The following NCK2 variants were observed in gnomAD, a reference collection of about 807,000 sequenced individuals.
NCK2 encodes NCK adaptor protein 2, also known as cytoplasmic protein NCK2.
Under a neutral mutation model 33.9 loss-of-function variants are expected in NCK2, and 16 were observed. The observed-to-expected ratio is 0.47, with a 90% confidence interval of 0.32 to 0.72. The LOEUF (loss-of-function observed/expected upper bound fraction) is 0.72. NCK2 is among the 30% of genes least tolerant of loss of function. The pLI, the probability that NCK2 is intolerant of heterozygous loss-of-function variation, is 0.03. For missense variants in NCK2, 418 were observed against 537.3 expected, an observed-to-expected ratio of 0.78 and a Z score of 2.19; for synonymous variants, 273 against 239.9, an observed-to-expected ratio of 1.14 and a Z score of -1.27.
At chr2:105,884,911 G>A (rs2104672344) in intron 4 of NCK2, among the ~76,000 whole-genome samples, 1 of 152,250 alleles carries the variant, frequency 6.6e-6, no homozygotes, top group Non-Finnish European at 1.5e-5. Context: ...ACCTTCACCT[G>A]TGAGCCATAC....
Position 105,830,667 on chromosome 2 carries a change from TTTG to T in NCK2, c.-17+14055_-17+14057del, listed in dbSNP as rs1676136368. Among the ~76,000 whole-genome samples, 4 of 76,186 alleles carry T rather than the reference TTTG, an allele frequency of 5.3e-5. No individual in the cohort carries two copies. The South Asian group carries it at 1.5e-3, about 29-fold the overall frequency. The allele number at this position is 76,186 out of a possible 152,430, so 50.0% of individuals were successfully genotyped here. A position where few individuals can be genotyped will look rare whatever the true frequency, so the allele number is the denominator to read the frequency against. ...TCTTTGTTTGCATCCTTGCCAGGAA[TTTG>T]GTGTGTGTGTGTGTGTGTGTGTGTG... is the stretch of plus-strand genomic sequence containing the variant. On this transcript the variant is annotated intron_variant, in intron 2 of 4. Transcript: ENST00000233154.
chr2:105,857,047 T>TTTTTTA (rs1553460690), intron 3 of NCK2: 7 of 130,738 alleles, frequency 5.4e-5, no homozygotes, highest in South Asian at 2.3e-4. Context: ...TTTTTTTTTT[T>TTTTTTA]TTGTATTTAC....
At chr2:105,820,581 T>C (rs551314100) in intron 2 of NCK2, among the ~76,000 whole-genome samples, 127 of 152,316 alleles carry the variant, frequency 8.3e-4, no homozygotes, top group Non-Finnish European at 1.5e-3. Flanking sequence ...TGACCCTGCC[T>C]TCTTTGGGGG....
Position 105,789,725 on chromosome 2 carries a change from C to T in NCK2, c.-200-26705C>T, listed in dbSNP as rs943351251. Among the ~76,000 whole-genome samples the T allele has an allele frequency of 1.4e-4, 21 of 152,222 alleles. 1 individual carries two copies. On this transcript the variant is annotated intron_variant, in intron 1 of 4. Transcript: ENST00000233154. The stretch of plus-strand genomic sequence containing the variant: ...CCGGCTTGTGATTCTCAAACCCCAA[C>T]TTAGGCTTGCTCCCGGTTAACGGGA...
At chr2:105,822,978 G>A (rs180974765) in intron 2 of NCK2, among the ~76,000 whole-genome samples, 50 of 152,082 alleles carry the variant, frequency 3.3e-4, no homozygotes, top group African/African-American at 4.6e-4. Flanking sequence ...TGGGCCGGCC[G>A]TGTGGCGGAT....
At chr2:105,784,203 A>G (rs1269073041) in intron 1 of NCK2, among the ~76,000 whole-genome samples, 2 of 152,192 alleles carry the variant, frequency 1.3e-5, no homozygotes, top group Non-Finnish European at 2.9e-5. Context: ...TCTTGGGCTC[A>G]AGTAATCCGC....
chr2:105,823,231 C>A (rs909249052), intron 2 of NCK2, among the ~76,000 whole-genome samples: 2 of 151,294 alleles, frequency 1.3e-5, no homozygotes, highest in African/African-American at 4.9e-5. Flanking sequence ...CAGGTAATTA[C>A]AAACAAGCCC....
At chr2:105,800,258 C>G (rs148035007) in intron 1 of NCK2, among the ~76,000 whole-genome samples, 10 of 152,320 alleles carry the variant, frequency 6.6e-5, no homozygotes, top group African/African-American at 2.4e-4. Context: ...CAACTGCACA[C>G]CTTGTTCTCT....
chr2:105,774,975 C>T (rs1558830965), intron 1 of NCK2, among the ~76,000 whole-genome samples: 1 of 151,990 alleles, frequency 6.6e-6, no homozygotes, highest in Non-Finnish European at 1.5e-5. Context: ...GGCCAGGAGC[C>T]TGAGGCCAGC....
At chr2:105,822,497 CT>C (rs1675779703) in intron 2 of NCK2, among the ~76,000 whole-genome samples, 1 of 152,018 alleles carries the variant, frequency 6.6e-6, no homozygotes. Context: ...CACAGCGCCC[CT>C]GTTCAGGGCG....
At chr2:105,779,952 C>T (rs1048904481) in intron 1 of NCK2, among the ~76,000 whole-genome samples, 9 of 152,182 alleles carry the variant, frequency 5.9e-5, no homozygotes, top group African/African-American at 2.2e-4. Context: ...CCACATACTT[C>T]ACAGCTCAGC....
rs1411816570 is a variant in NCK2, at chr2:105,852,337, G to C, written c.-16-2711G>C. Among the ~76,000 whole-genome samples the C allele has an allele frequency of 2.0e-5, 3 of 152,166 alleles. No homozygotes were observed. The East Asian group carries it at 5.8e-4, about 29-fold the overall frequency. ...TGTGGCCCAGGGGAAGTTCTGTGGGGTGTTGTTTTGTGGCTCGGTTCTCTC... is the reference window on the plus strand; with the variant it reads ...TGTGGCCCAGGGGAAGTTCTGTGGGCTGTTGTTTTGTGGCTCGGTTCTCTC... On this transcript the variant is annotated intron_variant, in intron 2 of 4. Coordinates refer to ENST00000233154, the MANE Select transcript of NCK2 (RefSeq NM_003581.5).
intron 2 of NCK2, among the ~76,000 whole-genome samples, chr2:105,818,334 G>A (rs1356451708): frequency 4.7e-5 from 7 of 148,096 alleles, no homozygotes; most frequent in African/African-American, 1.2e-4. Context: ...TGTAAATGAC[G>A]AGTTAACGGG....
At chr2:105,865,066 T>C (rs1401328949) in intron 3 of NCK2, among the ~76,000 whole-genome samples, 1 of 152,166 alleles carries the variant, frequency 6.6e-6, no homozygotes, top group Non-Finnish European at 1.5e-5. Context: ...CCAGCATCAG[T>C]GCTCCCTGAC....
At chr2:105,864,175 G>A (rs1677658329) in intron 3 of NCK2, among the ~76,000 whole-genome samples, 1 of 152,082 alleles carries the variant, frequency 6.6e-6, no homozygotes, top group Non-Finnish European at 1.5e-5. Flanking sequence ...CAGGGCTTAA[G>A]GGGGAGATGA....
intron 2 of NCK2, among the ~76,000 whole-genome samples, chr2:105,827,139 A>G (rs888700767): frequency 6.6e-6 from 1 of 152,066 alleles, no homozygotes; most frequent in African/African-American, 2.4e-5. Context: ...AGCTGGGACT[A>G]CAGGTGCCTA....
chr2:105,846,627 T>C (rs1278262140), intron 2 of NCK2: 3 of 152,214 alleles, frequency 2.0e-5, no homozygotes, highest in Non-Finnish European at 4.4e-5. Context: ...GAAATTGATG[T>C]ATACGTTACA....
At chr2:105,807,770 C>CTA (rs1675120605) in intron 1 of NCK2, among the ~76,000 whole-genome samples, 1 of 95,746 alleles carries the variant, frequency 1.0e-5, no homozygotes, top group Non-Finnish European at 2.1e-5. Context: ...TCCCTTCTCT[C>CTA]CCTCCCTCCC....
chr2:105,779,061 C>T (rs1384122396), intron 1 of NCK2, among the ~76,000 whole-genome samples: 2 of 152,158 alleles, frequency 1.3e-5, no homozygotes, highest in Non-Finnish European at 2.9e-5. Context: ...AGTCCCAGCA[C>T]TTTGGGAGGC....
Sources: allele counts gnomAD v4.1 joint callset (sites outside exome capture counted in the v4.1 genomes callset), GRCh38; gene constraint gnomAD v4.1.1; transcripts MANE v1.5; gene names NCBI Gene and HGNC (gene_info 2026-07-23, HGNC 2026-07-21).